Variants in NELL1 observed in about 807,000 individuals in gnomAD.
NELL1 encodes the protein neural EGFL like 1.
NELL1 carries 76 observed loss-of-function variants against 107.4 expected under a neutral mutation model. The ratio of observed to expected loss-of-function variants is 0.71; its 90% confidence interval spans 0.59 to 0.86. NELL1 has a LOEUF of 0.86. NELL1 is among the 40% of genes least tolerant of loss of function. The pLI is 0.00. For synonymous variants in NELL1, 353 were observed against 341.2 expected (o/e 1.03, Z -0.38); for missense variants, 1,024 against 1,005.5 (o/e 1.02, Z -0.25).
At chr11:20,749,482 A>T (rs550646982) in intron 2 of NELL1, among the ~76,000 whole-genome samples, 6 of 151,928 alleles carry the variant, frequency 3.9e-5, no homozygotes, top group Non-Finnish European at 7.4e-5. Flanking sequence ...GTGCTTGTGG[A>T]CCAAGCTACT....
At chr11:21,265,913 T>G (rs1848624500) in intron 14 of NELL1, among the ~76,000 whole-genome samples, 1 of 152,036 alleles carries the variant, frequency 6.6e-6, no homozygotes, top group African/African-American at 2.4e-5. Context: ...CCCAATTTAC[T>G]TTCCCTATTT....
At chr11:20,767,703 A>G (rs1350517489) in intron 2 of NELL1, among the ~76,000 whole-genome samples, 2 of 151,268 alleles carry the variant, frequency 1.3e-5, no homozygotes. Flanking sequence ...GTGAAGAGGG[A>G]ACCAGCAATA....
chr11:20,912,118 C>T (rs916014391), intron 5 of NELL1, among the ~76,000 whole-genome samples: 2 of 152,082 alleles, frequency 1.3e-5, no homozygotes, highest in African/African-American at 4.8e-5. Context: ...TATTATGTTG[C>T]CTTTATAGGC....
chr11:20,878,076 T>A (rs1849338152), intron 4 of NELL1, among the ~76,000 whole-genome samples: 1 of 152,106 alleles, frequency 6.6e-6, no homozygotes, highest in African/African-American at 2.4e-5. Context: ...AACATGCCAT[T>A]TGGGCCGGGC....
chr11:21,410,864 G>A lies in NELL1; in HGVS notation c.1645+39916G>A, dbSNP rs563978064. On this transcript the variant is annotated intron_variant, in intron 15 of 19. Transcript: ENST00000357134. ...GAATTAGACGCTATGGCTGGTGGCTGATAAATGGCAATTTAGGTGTGAAGG... is the reference window on the plus strand; with the variant it reads ...GAATTAGACGCTATGGCTGGTGGCTAATAAATGGCAATTTAGGTGTGAAGG... 4.1e-3 allele frequency among the ~76,000 whole-genome samples: 631 copies of A among 152,184 alleles called. 5 individuals are homozygous for A. Among genetic ancestry groups the A allele is most frequent in the Middle Eastern group, 0.017 (5 of 294 alleles).
intron 12 of NELL1, among the ~76,000 whole-genome samples, chr11:20,997,869 G>A (rs1168401454): frequency 1.3e-5 from 2 of 151,966 alleles, no homozygotes; most frequent in African/African-American, 4.8e-5. Flanking sequence ...CTGCTCAGCA[G>A]GCTGAAGCAG....
intron 12 of NELL1, among the ~76,000 whole-genome samples, chr11:20,991,672 C>T (rs2134258747): frequency 6.6e-6 from 1 of 152,242 alleles, no homozygotes; most frequent in South Asian, 2.1e-4. Flanking sequence ...CATCAAATGG[C>T]ACATGCCTCA....
chr11:20,789,774 G>A (rs1857038677), intron 3 of NELL1, among the ~76,000 whole-genome samples: 1 of 152,184 alleles, frequency 6.6e-6, no homozygotes, highest in Non-Finnish European at 1.5e-5. Flanking sequence ...CCCAACAGGT[G>A]TTCAGCTCCT....
At chr11:20,907,922 AT>A (rs1318232514) in intron 5 of NELL1, among the ~76,000 whole-genome samples, 1 of 152,180 alleles carries the variant, frequency 6.6e-6, no homozygotes, top group Non-Finnish European at 1.5e-5. Context: ...AAAGGAAGAC[AT>A]TTACACGGCC....
At chr11:21,533,051 G>T (rs1363689375) in intron 15 of NELL1, among the ~76,000 whole-genome samples, 1 of 152,150 alleles carries the variant, frequency 6.6e-6, no homozygotes, top group Non-Finnish European at 1.5e-5. Context: ...AGGCCCTAGG[G>T]ACTGAGGGCA....
At chr11:21,282,827 G>A (rs1849028201) in intron 14 of NELL1, among the ~76,000 whole-genome samples, 1 of 151,874 alleles carries the variant, frequency 6.6e-6, no homozygotes, top group African/African-American at 2.4e-5. Flanking sequence ...ATACACAATG[G>A]AGTACTATTC....
chr11:21,539,486 A>T (rs564168820), intron 16 of NELL1, among the ~76,000 whole-genome samples: 3 of 151,892 alleles, frequency 2.0e-5, no homozygotes, highest in African/African-American at 7.2e-5. Context: ...GTGGGATTTT[A>T]TTGAGTGGTG....
At position 20,743,126 on chromosome 11, in the gene NELL1, G is replaced by T. The variant is rs191098178; in HGVS notation, c.185-40554G>T. 2.4e-3 allele frequency among the ~76,000 whole-genome samples: 358 copies of T among 152,164 alleles called. 1 individual carries two copies. The highest frequency in any genetic ancestry group is 4.0e-3 in the Non-Finnish European group (274 of 68,010). ...CCAGCACTTTGGGAGGCCTAGGCAG[G>T]TGTATCACTTAAGGTCAGGAGTTCG... On this transcript the variant is annotated intron_variant, in intron 2 of 19. Coordinates refer to ENST00000357134, the MANE Select transcript of NELL1 (RefSeq NM_006157.5).
intron 2 of NELL1, among the ~76,000 whole-genome samples, chr11:20,756,566 C>T (rs183411935): frequency 1.9e-3 from 254 of 130,864 alleles, no homozygotes; most frequent in East Asian, 3.3e-3. Flanking sequence ...TTTCACCATG[C>T]TAGCCAGGAT....
chr11:20,786,776 A>G (rs1434674805), intron 3 of NELL1, among the ~76,000 whole-genome samples: 7 of 151,992 alleles, frequency 4.6e-5, no homozygotes. Flanking sequence ...TGGGAGGCCA[A>G]GGTGGGCATA....
chr11:21,411,537 G>T (rs1420913925), intron 15 of NELL1, among the ~76,000 whole-genome samples: 10 of 152,052 alleles, frequency 6.6e-5, no homozygotes, highest in Non-Finnish European at 8.8e-5. Flanking sequence ...AAAGTTATTT[G>T]AGGTCTGCAG....
At chr11:20,680,796 T>C (rs1177217541) in intron 2 of NELL1, among the ~76,000 whole-genome samples, 1 of 152,172 alleles carries the variant, frequency 6.6e-6, no homozygotes, top group Non-Finnish European at 1.5e-5. Context: ...GCTTGTTTCC[T>C]GCCTGTAAAG....
At chr11:21,185,615 A>G (rs1856919884) in intron 13 of NELL1, among the ~76,000 whole-genome samples, 1 of 151,424 alleles carries the variant, frequency 6.6e-6, no homozygotes, top group South Asian at 2.1e-4. Context: ...TTTACTACTT[A>G]CCATGGGCAA....
intron 13 of NELL1, among the ~76,000 whole-genome samples, chr11:21,133,574 G>A (rs1050944916): frequency 6.6e-6 from 1 of 152,140 alleles, no homozygotes; most frequent in Admixed American, 6.5e-5. Context: ...GTCCAGAAGG[G>A]GCCCCAAGGT....
Sources: gnomAD v4.1 joint callset for allele counts (sites outside exome capture counted in the v4.1 genomes callset) on GRCh38, gnomAD v4.1.1 for gene constraint, MANE v1.5 for transcripts, NCBI Gene and HGNC (gene_info 2026-07-23, HGNC 2026-07-21) for gene names.